Variants in MAGI2 observed in about 807,000 individuals in gnomAD.
The protein encoded by MAGI2 is membrane associated guanylate kinase, WW and PDZ domain containing 2, also known as membrane-associated guanylate kinase, WW and PDZ domain-containing protein 2.
In MAGI2, 35 loss-of-function variants were observed where a neutral mutation model predicts 133.3. The ratio of observed to expected loss-of-function variants is 0.26; its 90% CI spans 0.20 to 0.35. MAGI2 has a LOEUF of 0.35. Among genes scored for constraint, MAGI2 ranks in the 10% least tolerant of loss-of-function variants. The pLI is 1.00. For synonymous variants in MAGI2, 729 were observed against 710.6 expected (o/e 1.03, Z -0.41); for missense variants, 1,636 against 1,863.4 (o/e 0.88, Z 2.25).
chr7:78,527,225 A>G (rs1271573558), intron 3 of MAGI2, among the ~76,000 whole-genome samples: 1 of 152,038 alleles, frequency 6.6e-6, no homozygotes, highest in Non-Finnish European at 1.5e-5. Flanking sequence ...GCAAAACCTA[A>G]TCCCTTACCC....
intron 2 of MAGI2, among the ~76,000 whole-genome samples, chr7:78,682,954 A>G (rs1815855130): frequency 6.6e-6 from 1 of 152,192 alleles, no homozygotes; most frequent in African/African-American, 2.4e-5. Context: ...AACCACCTGA[A>G]ATCTTTTGTG....
chr7:78,324,141 TACACTACACTAC>T (rs1343285773), intron 9 of MAGI2, among the ~76,000 whole-genome samples: 5 of 130,044 alleles, frequency 3.8e-5, no homozygotes, highest in Non-Finnish European at 8.3e-5. Flanking sequence ...TACACTACAC[TACACTACACTAC>T]ACACTACACT....
intron 20 of MAGI2, among the ~76,000 whole-genome samples, chr7:78,109,128 C>T (rs2150458333): frequency 6.7e-6 from 1 of 150,214 alleles, no homozygotes; most frequent in South Asian, 2.1e-4. Flanking sequence ...CACAGCGAAA[C>T]CCCATCTCTA....
At chr7:78,558,899 T>A (rs982594733) in intron 3 of MAGI2, among the ~76,000 whole-genome samples, 1 of 149,468 alleles carries the variant, frequency 6.7e-6, no homozygotes, top group African/African-American at 2.5e-5. Flanking sequence ...GACTTTAAAG[T>A]GCCATTTATT....
chr7:78,815,276 T>C (rs545405694), intron 2 of MAGI2, among the ~76,000 whole-genome samples: 11 of 152,248 alleles, frequency 7.2e-5, no homozygotes, highest in South Asian at 6.2e-4. Context: ...TGGAAAGTGA[T>C]TATCTAATGT....
chr7:79,398,268 A>G (rs1845202510), intron 1 of MAGI2, among the ~76,000 whole-genome samples: 1 of 152,146 alleles, frequency 6.6e-6, no homozygotes, highest in Admixed American at 6.6e-5. Flanking sequence ...TTACACCAAA[A>G]TCTTTTTTCT....
At chr7:78,404,589 A>G (rs2151357302) in intron 6 of MAGI2, among the ~76,000 whole-genome samples, 1 of 152,296 alleles carries the variant, frequency 6.6e-6, no homozygotes, top group South Asian at 2.1e-4. Flanking sequence ...TATTTAATAA[A>G]TGGTGCTGGG....
At chr7:79,125,395 C>T (rs1820318081) in intron 1 of MAGI2, 1 of 487,668 alleles carries the variant, frequency 2.1e-6, no homozygotes, top group African/African-American at 1.9e-5. Context: ...TGGAGGAAAC[C>T]TCAGGGGTCA....
intron 3 of MAGI2, among the ~76,000 whole-genome samples, chr7:78,522,801 T>C (rs1178932315): frequency 1.3e-5 from 2 of 152,242 alleles, no homozygotes; most frequent in Admixed American, 6.5e-5. Context: ...TTTGAACCTA[T>C]ATCAGTGTTT....
At chr7:78,881,298 C>A (rs1398995732) in intron 2 of MAGI2, among the ~76,000 whole-genome samples, 1 of 151,834 alleles carries the variant, frequency 6.6e-6, no homozygotes, top group Non-Finnish European at 1.5e-5. Context: ...GGAACATACT[C>A]TAAGATGGAC....
intron 1 of MAGI2, among the ~76,000 whole-genome samples, chr7:79,272,245 GT>G (rs1209170285): frequency 6.6e-6 from 1 of 151,978 alleles, no homozygotes; most frequent in Non-Finnish European, 1.5e-5. Flanking sequence ...TTAAACACCT[GT>G]TGGAATTCTA....
At chr7:78,555,247 T>C (rs2215938) in intron 3 of MAGI2, among the ~76,000 whole-genome samples, 49,941 of 150,968 alleles carry the variant, frequency 0.33, 10,127 homozygotes, top group Non-Finnish European at 0.45. Flanking sequence ...GATAGATAGA[T>C]AGGTTTAACT....
chr7:79,430,249 T>C (rs887686661), intron 1 of MAGI2, among the ~76,000 whole-genome samples: 1 of 152,134 alleles, frequency 6.6e-6, no homozygotes, highest in African/African-American at 2.4e-5. Context: ...TGTGATAAAA[T>C]AAGGCTTTGC....
At chr7:79,099,084 T>A (rs1328533306) in intron 1 of MAGI2, among the ~76,000 whole-genome samples, 1 of 152,118 alleles carries the variant, frequency 6.6e-6, no homozygotes. Context: ...TAGACTGAAA[T>A]AATGATTTGA....
chr7:78,486,419 T>C (rs547468968), intron 6 of MAGI2: 21 of 154,950 alleles, frequency 1.4e-4, no homozygotes, highest in Non-Finnish European at 2.6e-4. Context: ...CCAATTTTTG[T>C]GTGGCCAATG....
intron 16 of MAGI2, among the ~76,000 whole-genome samples, chr7:78,138,625 TCACACACACACACACACACACACACA>T (rs202115434): frequency 1.5e-5 from 2 of 129,428 alleles, no homozygotes; most frequent in Admixed American, 7.9e-5. Context: ...AAACATAGAT[TCACACACACACACACACACACACACA>T]CACACACACA....
chr7:78,980,215 C>A (rs1804657762), intron 2 of MAGI2, among the ~76,000 whole-genome samples: 1 of 151,624 alleles, frequency 6.6e-6, no homozygotes, highest in Non-Finnish European at 1.5e-5. Context: ...ATATCTTCCT[C>A]ACAGGATTAA....
intron 3 of MAGI2, among the ~76,000 whole-genome samples, chr7:78,552,527 C>T (rs148203567): frequency 3.3e-5 from 5 of 152,112 alleles, no homozygotes; most frequent in African/African-American, 4.8e-5. Flanking sequence ...AACGTGTAGC[C>T]GGCATGATAG....
At chr7:78,284,041 A>G (rs1351324788) in intron 9 of MAGI2, among the ~76,000 whole-genome samples, 2 of 152,088 alleles carry the variant, frequency 1.3e-5, no homozygotes, top group African/African-American at 4.8e-5. Flanking sequence ...CCACAAGGTG[A>G]TAAATGTGTA....
Sources: gnomAD v4.1 joint callset for allele counts (sites outside exome capture counted in the v4.1 genomes callset) on GRCh38, gnomAD v4.1.1 for gene constraint, MANE v1.5 for transcripts, NCBI Gene and HGNC (gene_info 2026-07-23, HGNC 2026-07-21) for gene names.